Variants in ROPN1L observed in about 807,000 individuals in gnomAD.
ROPN1L encodes the protein rhophilin associated tail protein 1 like, also known as ropporin-1-like protein.
ROPN1L carries 23 observed loss-of-function variants against 22.7 expected under a neutral mutation model. The observed-to-expected ratio is 1.01, with a 90% confidence interval of 0.73 to 1.43. The LOEUF (loss-of-function observed/expected upper bound fraction) is 1.43, where lower values mean the gene tolerates loss of function less well. Ranked by LOEUF, ROPN1L falls within the 40% of genes most tolerant of loss-of-function variation. ROPN1L has a pLI of 0.00. For missense variants in ROPN1L, 271 were observed against 291.5 expected (o/e 0.93, Z 0.51); for synonymous variants, 116 against 117.8 (o/e 0.98, Z 0.10).
At chr5:10,472,589 GA>G (rs1735266638), downstream of ROPN1L, among the ~76,000 whole-genome samples, 1 of 152,122 alleles carries the variant, frequency 6.6e-6, no homozygotes, top group African/African-American at 2.4e-5. Context: ...CTGTTATGTT[GA>G]AACATGTTAG....
chr5:10,445,158 AC>A (rs1178341970), intron 1 of ROPN1L, among the ~76,000 whole-genome samples: 1 of 151,736 alleles, frequency 6.6e-6, no homozygotes, highest in Non-Finnish European at 1.5e-5. Context: ...TTTAGTAGAG[AC>A]GGGGGTTTCA....
intron 1 of ROPN1L, among the ~76,000 whole-genome samples, chr5:10,443,966 A>G (rs1740973810): frequency 1.3e-5 from 2 of 152,134 alleles, no homozygotes; most frequent in Admixed American, 6.5e-5. Flanking sequence ...AATCCCTGTT[A>G]CCATGTAAAG....
intron 3 of ROPN1L, among the ~76,000 whole-genome samples, chr5:10,459,019 C>T (rs888239013): frequency 1.3e-5 from 2 of 148,662 alleles, no homozygotes; most frequent in Non-Finnish European, 3.0e-5. Context: ...AAGTCTCCTC[C>T]GTGAGCGCTA....
chr5:10,469,006 T>A (rs1735202494), downstream of ROPN1L, among the ~76,000 whole-genome samples: 1 of 151,540 alleles, frequency 6.6e-6, no homozygotes, highest in Non-Finnish European at 1.5e-5. Flanking sequence ...ATACAAAAAA[T>A]TAGCCGGGCG....
intron 3 of ROPN1L, among the ~76,000 whole-genome samples, chr5:10,450,580 C>T (rs1741221229): frequency 6.6e-6 from 1 of 152,120 alleles, no homozygotes; most frequent in Admixed American, 6.5e-5. Flanking sequence ...CTCACCGCAA[C>T]CTCCGCCTCC....
chr5:10,467,115 A>G (rs1319025053), downstream of ROPN1L, among the ~76,000 whole-genome samples: 1 of 152,118 alleles, frequency 6.6e-6, no homozygotes, highest in East Asian at 1.9e-4. Flanking sequence ...CACCTTGTCA[A>G]TTTTGTTGGT....
Position 10,450,068 on chromosome 5 carries a change from C to T in ROPN1L, c.372C>T (p.Ile124=). ...LLQLDPCENK[I]KWINFLALGC... is the part of the protein sequence containing the mutation. Reference sequence around the variant, plus strand: ...AACTGGATCCTTGTGAAAACAAAATCAAGTGGATAAACTTTTTAGCGCTTG... The same window carrying T: ...AACTGGATCCTTGTGAAAACAAAATTAAGTGGATAAACTTTTTAGCGCTTG... Residue 124 remains isoleucine, a synonymous_variant, in exon 3 of 5, where the codon ATC becomes ATT. Coordinates refer to ENST00000274134, the MANE Select transcript of ROPN1L (RefSeq NM_031916.5). The T allele has an allele frequency of 6.2e-7, 1 of 1,613,896 alleles. No individual in the cohort carries two copies. The highest frequency in any genetic ancestry group is 8.5e-7 in the Non-Finnish European group (1 of 1,179,986).
chr5:10,460,925 G>C (rs1463659420), intron 3 of ROPN1L, among the ~76,000 whole-genome samples: 29 of 152,248 alleles, frequency 1.9e-4, no homozygotes, highest in Admixed American at 1.9e-3. Context: ...GTCTGTAACA[G>C]TCATTTCTAT....
chr5:10,442,617 G>C (rs1740923986), intron 1 of ROPN1L, among the ~76,000 whole-genome samples: 1 of 152,214 alleles, frequency 6.6e-6, no homozygotes. Context: ...GCAAAAAAGT[G>C]TTTACATTAT....
intron 3 of ROPN1L, among the ~76,000 whole-genome samples, chr5:10,453,224 G>A (rs540505572): frequency 4.3e-4 from 66 of 152,310 alleles, no homozygotes; most frequent in African/African-American, 1.3e-3. Flanking sequence ...TCAGAGGAGC[G>A]TGTGCTCGTC....
the ROPN1L span, among the ~76,000 whole-genome samples, chr5:10,481,341 G>A: frequency 9.8e-5 from 15 of 152,384 alleles, no homozygotes; most frequent in East Asian, 2.9e-3. Context: ...GTTGTTAGCA[G>A]GCTCAGGAGA....
At chr5:10,468,012 G>A (rs139600885), downstream of ROPN1L, among the ~76,000 whole-genome samples, 63 of 152,344 alleles carry the variant, frequency 4.1e-4, no homozygotes, top group African/African-American at 1.5e-3. Flanking sequence ...AGACTCAGAC[G>A]CACAGCCCTT....
intron 3 of ROPN1L, among the ~76,000 whole-genome samples, chr5:10,452,556 T>C (rs7723466): frequency 0.71 from 107,065 of 151,600 alleles, 41,409 homozygotes; most frequent in Non-Finnish European, 0.88. Flanking sequence ...CTGGCTGATC[T>C]TGTACTCCTG....
chr5:10,450,787 A>G (rs1741229667), intron 3 of ROPN1L, among the ~76,000 whole-genome samples: 1 of 152,242 alleles, frequency 6.6e-6, no homozygotes, highest in South Asian at 2.1e-4. Context: ...TACAGGCGTG[A>G]GCCACCGCGC....
At chr5:10,446,312 G>C (rs1187247695) in intron 1 of ROPN1L, among the ~76,000 whole-genome samples, 1 of 152,188 alleles carries the variant, frequency 6.6e-6, no homozygotes, top group Non-Finnish European at 1.5e-5. Flanking sequence ...CAGCCTCCTG[G>C]CCTGCACCCA....
intron 4 of ROPN1L, among the ~76,000 whole-genome samples, chr5:10,464,423 G>C (rs148385161): frequency 2.0e-5 from 3 of 152,326 alleles, no homozygotes; most frequent in Admixed American, 6.5e-5. Context: ...TCTCCTGCCC[G>C]ATCCGCGCAC....
intron 3 of ROPN1L, among the ~76,000 whole-genome samples, chr5:10,452,828 A>G (rs1175784886): frequency 6.6e-6 from 1 of 152,242 alleles, no homozygotes; most frequent in Non-Finnish European, 1.5e-5. Flanking sequence ...GATTTAAAAC[A>G]CAATTGAATC....
At chr5:10,463,301 G>A (rs181871963) in intron 4 of ROPN1L, among the ~76,000 whole-genome samples, 91 of 152,312 alleles carry the variant, frequency 6.0e-4, no homozygotes, top group African/African-American at 2.0e-3. Flanking sequence ...TGGGTCCTGC[G>A]GAAGTTCTCA....
downstream of ROPN1L, among the ~76,000 whole-genome samples, chr5:10,475,533 G>A (rs1463920390): frequency 6.6e-6 from 1 of 152,200 alleles, no homozygotes; most frequent in Non-Finnish European, 1.5e-5. Context: ...GAGAGCTGAA[G>A]TGACATAGGC....
Sources: gnomAD v4.1 joint callset for allele counts (sites outside exome capture counted in the v4.1 genomes callset) on GRCh38, gnomAD v4.1.1 for gene constraint, MANE v1.5 for transcripts, NCBI Gene and HGNC (gene_info 2026-07-23, HGNC 2026-07-21) for gene names.